CDKAL1: variants seen among roughly 807,000 people sequenced by gnomAD.
CDKAL1 encodes the protein CDKAL1 threonylcarbamoyladenosine tRNA methylthiotransferase.
A neutral mutation model predicts 68.2 loss-of-function variants in CDKAL1; 32 were observed. That is an observed-to-expected ratio of 0.47 (90% CI 0.35 to 0.63). The LOEUF (loss-of-function observed/expected upper bound fraction) is 0.63. CDKAL1 is among the 30% of genes least tolerant of loss of function. The probability of loss-of-function intolerance (pLI) is 0.00; values close to 1 mark genes in which losing one functional copy is unlikely to be tolerated. For synonymous variants in CDKAL1, 234 were observed against 244.3 expected (o/e 0.96, Z 0.39); for missense variants, 606 against 696.7 (o/e 0.87, Z 1.47).
intron 12 of CDKAL1, among the ~76,000 whole-genome samples, chr6:21,065,917 AAGT>A (rs1771412743): frequency 6.6e-6 from 1 of 151,914 alleles, no homozygotes; most frequent in South Asian, 2.1e-4. Context: ...GTAGAAATTT[AAGT>A]GAAAATTTTC....
intron 10 of CDKAL1, among the ~76,000 whole-genome samples, chr6:20,998,291 A>G (rs1393752272): frequency 2.0e-5 from 3 of 152,154 alleles, no homozygotes; most frequent in Non-Finnish European, 4.4e-5. Context: ...TGCCTCGCCC[A>G]GCTCCAAGTG....
intron 13 of CDKAL1, among the ~76,000 whole-genome samples, chr6:21,147,657 T>C (rs1242627486): frequency 6.6e-6 from 1 of 152,210 alleles, no homozygotes; most frequent in African/African-American, 2.4e-5. Flanking sequence ...TATGGGTTGA[T>C]TTCTGGAAAG....
Position 21,201,519 on chromosome 6 carries a change from A to G in CDKAL1, c.1548+245A>G, listed in dbSNP as rs150108961. On this transcript the variant is annotated intron_variant, in intron 15 of 15. Coordinates refer to ENST00000274695, the MANE Select transcript of CDKAL1 (RefSeq NM_017774.3). Reference sequence around the variant, plus strand: ...TGCTTCCAGTTTAGAAGCAGGGGGTAAAAGCCATTATTTGCAGGTGAAAAT... The same window carrying G: ...TGCTTCCAGTTTAGAAGCAGGGGGTGAAAGCCATTATTTGCAGGTGAAAAT... 9.1e-4 allele frequency among the ~76,000 whole-genome samples: 138 copies of G among 152,352 alleles called. 1 individual carries two copies. Among genetic ancestry groups the G allele is most frequent in the African/African-American group, 3.1e-3 (129 of 41,586 alleles).
At chr6:21,202,129 T>C (rs576019554) in intron 15 of CDKAL1, among the ~76,000 whole-genome samples, 15 of 152,252 alleles carry the variant, frequency 9.9e-5, no homozygotes, top group Non-Finnish European at 2.2e-4. Flanking sequence ...CTGGCAATAG[T>C]ACCGCTTCAC....
intron 5 of CDKAL1, among the ~76,000 whole-genome samples, chr6:20,669,978 A>T (rs1458413605): frequency 1.3e-5 from 2 of 152,150 alleles, no homozygotes; most frequent in African/African-American, 2.4e-5. Context: ...TATTAAAAAA[A>T]CACGAGGTTG....
intron 5 of CDKAL1, among the ~76,000 whole-genome samples, chr6:20,668,793 C>T (rs1229515862): frequency 6.6e-6 from 1 of 152,164 alleles, no homozygotes; most frequent in Non-Finnish European, 1.5e-5. Context: ...TCACTGTCAC[C>T]TCCAATCTGG....
At chr6:20,688,189 C>T (rs1458285236) in intron 5 of CDKAL1, among the ~76,000 whole-genome samples, 1 of 151,316 alleles carries the variant, frequency 6.6e-6, no homozygotes, top group Non-Finnish European at 1.5e-5. Flanking sequence ...CTGTAGTTTG[C>T]ATATGTCATG....
intron 4 of CDKAL1, among the ~76,000 whole-genome samples, chr6:20,563,926 T>G (rs1274963227): frequency 6.6e-6 from 1 of 152,182 alleles, no homozygotes; most frequent in African/African-American, 2.4e-5. Context: ...CTTAATGAAT[T>G]AATGTTGGAA....
chr6:21,026,361 AT>A (rs909488966), intron 11 of CDKAL1, among the ~76,000 whole-genome samples: 1 of 152,060 alleles, frequency 6.6e-6, no homozygotes, highest in Admixed American at 6.6e-5. Flanking sequence ...AAAACATTTG[AT>A]TTGGAGTCAA....
At chr6:20,860,796 C>CGCACCA (rs1759574903) in intron 9 of CDKAL1, among the ~76,000 whole-genome samples, 1 of 151,850 alleles carries the variant, frequency 6.6e-6, no homozygotes, top group African/African-American at 2.4e-5. Context: ...TGCACTCCAG[C>CGCACCA]CTGGCAACAG....
At chr6:20,815,661 A>G (rs72832359) in intron 8 of CDKAL1, among the ~76,000 whole-genome samples, 11,903 of 152,140 alleles carry the variant, frequency 0.078, 770 homozygotes, top group East Asian at 0.33. Flanking sequence ...TCTGATTATG[A>G]AAGTAAACAT....
chr6:20,820,709 CTCTT>C (rs1309336915), intron 8 of CDKAL1, among the ~76,000 whole-genome samples: 1 of 152,064 alleles, frequency 6.6e-6, no homozygotes, highest in African/African-American at 2.4e-5. Context: ...GCCTTGATTC[CTCTT>C]TTATAAGGTA....
intron 4 of CDKAL1, among the ~76,000 whole-genome samples, chr6:20,640,339 G>A (rs1298482640): frequency 6.6e-6 from 1 of 152,202 alleles, no homozygotes; most frequent in Non-Finnish European, 1.5e-5. Context: ...ATTTTCAAAT[G>A]GAACTGTTGT....
At chr6:21,215,925 A>G (rs999533142) in intron 15 of CDKAL1, among the ~76,000 whole-genome samples, 1 of 152,188 alleles carries the variant, frequency 6.6e-6, no homozygotes, top group Non-Finnish European at 1.5e-5. Flanking sequence ...CCTTAACATA[A>G]GGAGGGTATA....
chr6:20,833,175 A>T (rs747019489), intron 8 of CDKAL1, among the ~76,000 whole-genome samples: 1 of 152,158 alleles, frequency 6.6e-6, no homozygotes, highest in Non-Finnish European at 1.5e-5. Flanking sequence ...TTTCCCTTTG[A>T]TTAGCCACGC....
chr6:21,161,091 C>G (rs79409355), intron 13 of CDKAL1, among the ~76,000 whole-genome samples: 359 of 152,104 alleles, frequency 2.4e-3, no homozygotes, highest in Non-Finnish European at 4.0e-3. Context: ...AGACAACCAC[C>G]CTGTTGCTGG....
chr6:20,574,440 C>T (rs1384461337), intron 4 of CDKAL1, among the ~76,000 whole-genome samples: 1 of 152,124 alleles, frequency 6.6e-6, no homozygotes, highest in Admixed American at 6.5e-5. Flanking sequence ...CAGACATTTT[C>T]TTTGGTGAAA....
chr6:20,992,259 T>G (rs1453072025), intron 10 of CDKAL1, among the ~76,000 whole-genome samples: 2 of 151,330 alleles, frequency 1.3e-5, no homozygotes, highest in African/African-American at 4.9e-5. Context: ...TTAGTAGAGA[T>G]GGGGTTTCAC....
chr6:21,093,785 G>A (rs1362518601), intron 12 of CDKAL1, among the ~76,000 whole-genome samples: 2 of 132,688 alleles, frequency 1.5e-5, no homozygotes, highest in Non-Finnish European at 3.1e-5. Flanking sequence ...GCACGATCAT[G>A]GTCATGGCTC....
Sources: allele counts gnomAD v4.1 joint callset (sites outside exome capture counted in the v4.1 genomes callset), GRCh38; gene constraint gnomAD v4.1.1; transcripts MANE v1.5; gene names NCBI Gene and HGNC (gene_info 2026-07-23, HGNC 2026-07-21).